Variants in DMAC2 observed in about 807,000 individuals in gnomAD.
DMAC2 encodes the protein distal membrane-arm assembly complex protein 2.
In DMAC2, 32 loss-of-function variants were observed where a neutral mutation model predicts 29.6. The observed-to-expected ratio is 1.08, with a 90% CI of 0.81 to 1.45. The LOEUF is 1.45. Among genes scored for constraint, DMAC2 ranks in the 40% most tolerant of loss-of-function variants. DMAC2 has a pLI of 0.00. For missense variants in DMAC2, 319 were observed against 340.0 expected, an observed-to-expected ratio of 0.94 and a Z score of 0.49; for synonymous variants, 133 against 137.4, an observed-to-expected ratio of 0.97 and a Z score of 0.23.
chr19:41,432,119 C>G lies in DMAC2; in HGVS notation c.*112G>C. 1 of 1,264,674 alleles carries G rather than the reference C, an allele frequency of 7.9e-7. No individual in the cohort carries two copies. Among genetic ancestry groups the G allele is most frequent in the Non-Finnish European group, 1.1e-6 (1 of 902,240 alleles). The allele number at this position is 1,264,674 out of a possible 1,614,324, so 78.3% of individuals were successfully genotyped here. A position where few individuals can be genotyped will look rare whatever the true frequency, so the allele number is the denominator to read the frequency against. On this transcript the variant is annotated 3_prime_UTR_variant, in exon 6 of 6. Transcript: ENST00000221943. Reference sequence around the variant, plus strand: ...TCTCTCCTGTGATTGGCCAGCACCACTCCCCCACCCTGACGTTGAGTGAAG... The same window carrying G: ...TCTCTCCTGTGATTGGCCAGCACCAGTCCCCCACCCTGACGTTGAGTGAAG...
At chr19:41,434,489 G>A (rs577228909) in intron 3 of DMAC2, among the ~76,000 whole-genome samples, 1 of 150,988 alleles carries the variant, frequency 6.6e-6, no homozygotes, top group Non-Finnish European at 1.5e-5. Flanking sequence ...TAAGAGCAAA[G>A]AGGTAAAATG....
chr19:41,431,383 G>A lies in DMAC2; in HGVS notation c.*848C>T, dbSNP rs1466205618. On this transcript the variant is annotated 3_prime_UTR_variant, in exon 6 of 6. Transcript: ENST00000221943. The stretch of plus-strand genomic sequence containing the variant: ...TTTAACAGTGAACTGGAATAATGAG[G>A]GCTTCACTGGTAAAATGCTTCTGAA... 1 of 498,984 alleles carries A rather than the reference G, an allele frequency of 2.0e-6. No individual in the cohort carries two copies. Among genetic ancestry groups the A allele is most frequent in the Non-Finnish European group, 4.0e-6 (1 of 247,238 alleles). 30.9% of individuals were successfully genotyped at this position (498,984 alleles called of 1,614,324 possible).
At chr19:41,434,383 G>A (rs569969655) in intron 3 of DMAC2, among the ~76,000 whole-genome samples, 40 of 145,334 alleles carry the variant, frequency 2.8e-4, no homozygotes, top group Non-Finnish European at 5.5e-4. Flanking sequence ...GCTCCAGCCT[G>A]GGAGACCCTA....
intron 1 of DMAC2, chr19:41,439,480 C>T: frequency 6.5e-7 from 1 of 1,537,026 alleles, no homozygotes; most frequent in South Asian, 1.2e-5. Flanking sequence ...TTACATTCAT[C>T]CTTCGGTCTT....
At chr19:41,434,054 G>A (rs895545195) in intron 3 of DMAC2, among the ~76,000 whole-genome samples, 1 of 151,874 alleles carries the variant, frequency 6.6e-6, no homozygotes, top group East Asian at 1.9e-4. Flanking sequence ...AATACACGGT[G>A]AAACCCCATC....
rs1555769960 is a variant in DMAC2 at position 41,433,262 on chromosome 19, G to A, written c.596+10C>T. On this transcript the variant is annotated intron_variant, in intron 5 of 5. Coordinates refer to ENST00000221943, the MANE Select transcript of DMAC2 (RefSeq NM_018035.3). The stretch of plus-strand genomic sequence containing the variant: ...CTGGGCATGTGGCCCAGCCTGAGCT[G>A]AGGTCTCACTGGAGGTGGTGGAGGC... 6.2e-7 allele frequency: 1 copy of A among 1,603,980 alleles called. No individual in the cohort carries two copies. The highest frequency in any genetic ancestry group is 2.2e-5 in the East Asian group (1 of 44,784).
chr19:41,437,348 A>C (rs1162521967), intron 2 of DMAC2, among the ~76,000 whole-genome samples: 1 of 151,658 alleles, frequency 6.6e-6, no homozygotes, highest in African/African-American at 2.4e-5. Flanking sequence ...ATGAGCCATG[A>C]TCACACCACT....
In DMAC2 at chr19:41,439,886, C is replaced by G. The variant is rs781902026; in HGVS notation, c.14G>C (p.Trp5Ser). 9.3e-6 allele frequency: 15 copies of G among 1,614,214 alleles called. No homozygotes were observed. The highest frequency in any genetic ancestry group is 1.2e-5 in the Non-Finnish European group (14 of 1,180,036). Residue 5 changes from tryptophan to serine, a missense_variant, in exon 1 of 6, where the codon TGG (tryptophan) becomes TCG (serine). Transcript: ENST00000221943. MAAPWASLRLVAPMW... is the reference protein window; with the variant it reads MAAPSASLRLVAPMW... The stretch of plus-strand genomic sequence containing the variant: ...CTAGGAACTCCGGTCACTTACCGCC[C>G]AGGGAGCCGCCATCTTGCTAAGGTT...
At position 41,433,040 on chromosome 19, in the gene DMAC2, G is replaced by A. The variant is rs569365919; in HGVS notation, c.596+232C>T. On this transcript the variant is annotated intron_variant, in intron 5 of 5. Transcript: ENST00000221943. ...CTCCAGCTCCTGCTGTTCTGCAACA[G>A]CGTCGATATCACACAGTTTTGACTA... 41 of 549,080 alleles carry A rather than the reference G, an allele frequency of 7.5e-5. No individual in the cohort carries two copies. The African/African-American group carries it at 7.9e-4, about 11-fold the overall frequency. 34.0% of individuals were successfully genotyped at this position (549,080 alleles called of 1,614,324 possible). A position where few individuals can be genotyped will look rare whatever the true frequency, so the allele number is the denominator to read the frequency against.
At position 41,433,375 on chromosome 19, in the gene DMAC2, A is replaced by T; in HGVS notation, c.493T>A (p.Cys165Ser). 1 of 1,613,084 alleles carries T rather than the reference A, an allele frequency of 6.2e-7. No individual in the cohort carries two copies. Among genetic ancestry groups the T allele is most frequent in the Non-Finnish European group, 8.5e-7 (1 of 1,179,796 alleles). ...LQRCCHVDDW[C>S]LSRLYPLADS... ...GCCAGTGGGTAGAGGCGGCTGAGAC[A>T]CCAGTCGTCCACGTGGCAGCAGCGC... The change falls in exon 5 of 6, where the codon TGT becomes AGT. Residue 165 changes from cysteine (C) to serine (S), a missense_variant. Coordinates refer to ENST00000221943, the MANE Select transcript of DMAC2 (RefSeq NM_018035.3).
At chr19:41,437,844 T>G (rs2039953394) in intron 2 of DMAC2, among the ~76,000 whole-genome samples, 1 of 152,188 alleles carries the variant, frequency 6.6e-6, no homozygotes, top group African/African-American at 2.4e-5. Flanking sequence ...GGTCTGGATG[T>G]GGAGGGCAGG....
rs72065187 is a variant in DMAC2, at chr19:41,432,706, C to CGTGTGTGTGT, written c.597-308_597-299dup. On this transcript the variant is annotated intron_variant, in intron 5 of 5. Transcript: ENST00000221943. The stretch of plus-strand genomic sequence containing the variant: ...GGGAGATAAGCCAGTATAAGGACAG[C>CGTGTGTGTGT]GTGTGTGTGTGTGTGTGTGTGTGTA... 1.5e-3 allele frequency: 310 copies of CGTGTGTGTGT among 209,064 alleles called. 5 individuals are homozygous for CGTGTGTGTGT. Among genetic ancestry groups the CGTGTGTGTGT allele is most frequent in the African/African-American group, 0.015 (291 of 20,012 alleles). 13.0% of individuals were successfully genotyped at this position (209,064 alleles called of 1,614,324 possible).
Position 41,439,871 on chromosome 19 carries a change from C to T in DMAC2, c.18+11G>A, listed in dbSNP as rs782374006. On this transcript the variant is annotated intron_variant, in intron 1 of 5. Coordinates refer to ENST00000221943, the MANE Select transcript of DMAC2 (RefSeq NM_018035.3). Reference sequence around the variant, plus strand: ...TTCAAATTTGGGGCTCTAGGAACTCCGGTCACTTACCGCCCAGGGAGCCGC... The same window carrying T: ...TTCAAATTTGGGGCTCTAGGAACTCTGGTCACTTACCGCCCAGGGAGCCGC... 2 of 1,614,046 alleles carry T rather than the reference C, an allele frequency of 1.2e-6. No homozygotes were observed. Among genetic ancestry groups the T allele is most frequent in the African/African-American group, 2.7e-5 (2 of 74,930 alleles).
At chr19:41,437,279 TCACC>T (rs1472311699) in intron 2 of DMAC2, among the ~76,000 whole-genome samples, 1 of 151,994 alleles carries the variant, frequency 6.6e-6, no homozygotes, top group African/African-American at 2.4e-5. Context: ...GCCTGTAATC[TCACC>T]TACTTGGGAG....
chr19:41,432,653 CGT>C (rs782279895), intron 5 of DMAC2: 17,176 of 201,824 alleles, frequency 0.085, 3 homozygotes, highest in South Asian at 0.13. Context: ...TACAGGACAG[CGT>C]GTGTGTGTGT....
At chr19:41,432,577 G>GTGTC in intron 5 of DMAC2, 169 bp from the exon 6 acceptor site, 2 of 636,854 alleles carry the variant, frequency 3.1e-6, no homozygotes, top group South Asian at 3.7e-5. Flanking sequence ...GCGTGTGTGT[G>GTGTC]TGTGTGTGTG....
At chr19:41,432,674 G>GTGTGTGTATGTGTA in intron 5 of DMAC2, 1 of 364,230 alleles carries the variant, frequency 2.7e-6, no homozygotes, top group East Asian at 7.0e-5. Flanking sequence ...GTGTGTGTGT[G>GTGTGTGTATGTGTA]TGTATAGGGA....
At chr19:41,439,711 G>T in intron 1 of DMAC2, 171 bp downstream of exon 1, 1 of 1,329,322 alleles carries the variant, frequency 7.5e-7, no homozygotes, top group Non-Finnish European at 1.1e-6. Context: ...GACCCTCACA[G>T]ATCCTTCCTG....
chr19:41,434,801 T>A (rs950618564), intron 3 of DMAC2, among the ~76,000 whole-genome samples: 2 of 152,020 alleles, frequency 1.3e-5, no homozygotes, highest in Non-Finnish European at 2.9e-5. Flanking sequence ...GGTCAGGGGT[T>A]GGAGACCAGC....
Sources: allele counts gnomAD v4.1 joint callset (sites outside exome capture counted in the v4.1 genomes callset), GRCh38; gene constraint gnomAD v4.1.1; transcripts MANE v1.5; gene names NCBI Gene and HGNC (gene_info 2026-07-23, HGNC 2026-07-21).